The following DENND4A variants were observed in gnomAD, a reference collection of about 807,000 sequenced individuals.
DENND4A encodes C-myc promoter-binding protein.
In DENND4A, 70 loss-of-function variants were observed where a neutral mutation model predicts 199.3. The observed-to-expected ratio is 0.35, with a 90% CI of 0.29 to 0.43. The LOEUF (loss-of-function observed/expected upper bound fraction) is 0.43. DENND4A is among the 20% of genes least tolerant of loss of function. DENND4A has a pLI of 1.00. For missense variants in DENND4A, 1,723 were observed against 2,255.8 expected (o/e 0.76, Z 4.78); for synonymous variants, 686 against 766.9 (o/e 0.89, Z 1.74).
intron 30 of DENND4A, chr15:65,664,962 T>C: frequency 2.1e-6 from 1 of 480,592 alleles, no homozygotes; most frequent in Non-Finnish European, 3.6e-6. Flanking sequence ...TTTCCCTTAA[T>C]ACAGCCTCTG....
chr15:65,763,834 G>T (rs2076916364), intron 1 of DENND4A, among the ~76,000 whole-genome samples: 2 of 152,018 alleles, frequency 1.3e-5, no homozygotes, highest in Non-Finnish European at 2.9e-5. Context: ...GATGCCAAAA[G>T]TTCCCTGAAA....
At chr15:65,789,135 A>G (rs1233296591) in intron 1 of DENND4A, among the ~76,000 whole-genome samples, 2 of 152,162 alleles carry the variant, frequency 1.3e-5, no homozygotes, top group East Asian at 3.8e-4. Flanking sequence ...CCCATACTAT[A>G]ATGCATTTGA....
intron 3 of DENND4A, among the ~76,000 whole-genome samples, chr15:65,755,602 C>T (rs2076681126): frequency 6.6e-6 from 1 of 151,844 alleles, no homozygotes; most frequent in South Asian, 2.1e-4. Context: ...CCTGTCTCTA[C>T]AAAAAAATTA....
chr15:65,741,931 C>T, intron 4 of DENND4A, 147 bp from the exon 5 acceptor site: 1 of 546,470 alleles, frequency 1.8e-6, no homozygotes, highest in Non-Finnish European at 3.1e-6. Flanking sequence ...GCTGTTTTGT[C>T]AATATTTTAT....
At chr15:65,664,755 A>T in intron 30 of DENND4A, 33 bp from the exon 31 acceptor site, 1 of 1,580,328 alleles carries the variant, frequency 6.3e-7, no homozygotes, top group Non-Finnish European at 8.6e-7. Context: ...ATGAAGGAAA[A>T]TGTTCTGTGT....
chr15:65,735,385 G>A (rs1475010326), intron 7 of DENND4A, among the ~76,000 whole-genome samples: 1 of 151,960 alleles, frequency 6.6e-6, no homozygotes, highest in Non-Finnish European at 1.5e-5. Context: ...GTCAAAAAAC[G>A]AAAACAAAAA....
chr15:65,700,557 A>T lies in DENND4A; in HGVS notation c.2820T>A (p.Asp940Glu). The change falls in exon 20 of 33, where the codon GAT becomes GAA. Residue 940 changes from aspartate to glutamate, a missense_variant. This residue lies in a region of DENND4A where 650 missense variants were observed against 738.1 expected (regional missense o/e 0.88). Transcript: ENST00000443035. Reference protein sequence around the residue: ...TGLIKVYATDDRSSTGGQSDL... With the variant: ...TGLIKVYATDERSSTGGQSDL... ...GCATACACAAACCTGTACTAGATCTATCATCAGTAGCATATACTTTGATTA... is the reference window on the plus strand; with the variant it reads ...GCATACACAAACCTGTACTAGATCTTTCATCAGTAGCATATACTTTGATTA... 6.5e-7 allele frequency: 1 copy of T among 1,530,208 alleles called. No individual in the cohort carries two copies. Among genetic ancestry groups the T allele is most frequent in the Non-Finnish European group, 8.8e-7 (1 of 1,136,594 alleles). 94.8% of individuals were successfully genotyped at this position (1,530,208 alleles called of 1,614,324 possible). A position where few individuals can be genotyped will look rare whatever the true frequency, so the allele number is the denominator to read the frequency against.
intron 4 of DENND4A, among the ~76,000 whole-genome samples, chr15:65,750,664 T>G (rs541240440): frequency 6.6e-6 from 1 of 152,214 alleles, no homozygotes; most frequent in African/African-American, 2.4e-5. Flanking sequence ...ATTTTCTCAC[T>G]TTCTACTCCA....
Position 65,701,753 on chromosome 15 carries a change from G to C in DENND4A, c.2559+9C>G. ...TAATACTCTTTATCCATTAAACCAA[G>C]GTATTTACCTTATTATAATAACCAT... On this transcript the variant is annotated intron_variant, in intron 18 of 32. Transcript: ENST00000443035. 1.2e-6 allele frequency: 2 copies of C among 1,612,354 alleles called. No individual in the cohort carries two copies. Among genetic ancestry groups the C allele is most frequent in the Non-Finnish European group, 1.7e-6 (2 of 1,178,968 alleles).
At chr15:65,683,061 A>T (rs1469207354) in intron 23 of DENND4A, among the ~76,000 whole-genome samples, 1 of 152,238 alleles carries the variant, frequency 6.6e-6, no homozygotes, top group Non-Finnish European at 1.5e-5. Context: ...AAAATGTGAC[A>T]CAGAGACATG....
At chr15:65,666,087 G>A (rs1278739812) in intron 29 of DENND4A, among the ~76,000 whole-genome samples, 2 of 152,150 alleles carry the variant, frequency 1.3e-5, no homozygotes, top group Non-Finnish European at 2.9e-5. Flanking sequence ...AATTTCAATA[G>A]TCCCCCTTTA....
At chr15:65,733,696 T>C (rs1209834501) in intron 7 of DENND4A, among the ~76,000 whole-genome samples, 1 of 152,186 alleles carries the variant, frequency 6.6e-6, no homozygotes, top group Non-Finnish European at 1.5e-5. Flanking sequence ...TGTGTCTGTG[T>C]AGAAAGAAGT....
chr15:65,661,922 G>A lies in DENND4A; in HGVS notation c.5653C>T (p.His1885Tyr). Reference sequence around the variant, plus strand: ...GTACTTGGTGGTCTATCACAGTTGTGTGTACTCTTGACTTGACTAGGTGTG... The same window carrying A: ...GTACTTGGTGGTCTATCACAGTTGTATGTACTCTTGACTTGACTAGGTGTG... ...RLTPSQVKST[H>Y]NCDRPPSTGV... The change falls in exon 33 of 33, where the codon CAC becomes TAC. Residue 1885 changes from histidine to tyrosine, a missense_variant. Physicochemically the swap from His to Tyr is moderately conservative, Grantham distance 83. Transcript: ENST00000443035. The A allele has an allele frequency of 6.2e-7, 1 of 1,613,152 alleles. No individual in the cohort carries two copies. The highest frequency in any genetic ancestry group is 8.5e-7 in the Non-Finnish European group (1 of 1,179,458).
At chr15:65,750,932 A>C (rs1485589106) in intron 4 of DENND4A, among the ~76,000 whole-genome samples, 2 of 152,172 alleles carry the variant, frequency 1.3e-5, no homozygotes. Flanking sequence ...CAGAAGTGGA[A>C]GAACTGATCA....
intron 20 of DENND4A, 54 bp from the exon 21 acceptor site, chr15:65,697,437 A>G: frequency 9.0e-7 from 1 of 1,113,686 alleles, no homozygotes; most frequent in Non-Finnish European, 1.3e-6. Flanking sequence ...TAGTGAGTGC[A>G]ACTGGAATTA....
In DENND4A at chr15:65,716,487, C is replaced by T. The variant is rs958933625; in HGVS notation, c.1808-864G>A. Reference sequence around the variant, plus strand: ...TTCAATTCCCACCTATGAGTGAGAACATGCGGTGTTTGGTTTTTTGTCCTT... The same window carrying T: ...TTCAATTCCCACCTATGAGTGAGAATATGCGGTGTTTGGTTTTTTGTCCTT... On this transcript the variant is annotated intron_variant, in intron 13 of 32. Transcript: ENST00000443035. Among the ~76,000 whole-genome samples, 11 of 147,320 alleles carry T rather than the reference C, an allele frequency of 7.5e-5. No individual in the cohort carries two copies. In the South Asian group the frequency reaches 8.5e-4, roughly 11 times the overall value.
intron 11 of DENND4A, among the ~76,000 whole-genome samples, chr15:65,723,149 TA>T (rs1567046359): frequency 6.6e-6 from 1 of 152,152 alleles, no homozygotes; most frequent in African/African-American, 2.4e-5. Context: ...TGTATGAGGG[TA>T]GAACCTTGTA....
At chr15:65,730,950 T>C (rs1405640562) in intron 9 of DENND4A, among the ~76,000 whole-genome samples, 1 of 152,068 alleles carries the variant, frequency 6.6e-6, no homozygotes, top group Non-Finnish European at 1.5e-5. Flanking sequence ...ACATACATAG[T>C]CTCACTCATT....
chr15:65,664,245 T>C (rs2075966483), intron 32 of DENND4A, 85 bp downstream of exon 32: 4 of 772,584 alleles, frequency 5.2e-6, no homozygotes. Flanking sequence ...ATATTACTAA[T>C]AAAGTATAAC....
Sources: gnomAD v4.1 joint callset for allele counts (sites outside exome capture counted in the v4.1 genomes callset) on GRCh38, gnomAD v4.1.1 for gene constraint, gnomAD v4.1.1 regional missense constraint, MANE v1.5 for transcripts, NCBI Gene and HGNC (gene_info 2026-07-23, HGNC 2026-07-21) for gene names.